BBS9: variants seen among roughly 807,000 people sequenced by gnomAD.
BBS9 encodes the protein protein PTHB1.
In BBS9, 89 loss-of-function variants were observed where a neutral mutation model predicts 117.7. The ratio of observed to expected loss-of-function variants is 0.76; its 90% CI spans 0.64 to 0.90. The LOEUF is 0.90. Ranked by LOEUF, BBS9 falls within the 40% of genes least tolerant of loss-of-function variation. The probability of loss-of-function intolerance (pLI) is 0.00; values close to 1 mark genes in which losing one functional copy is unlikely to be tolerated. For synonymous variants in BBS9, 379 were observed against 370.9 expected (o/e 1.02, Z -0.25); for missense variants, 982 against 1,042.2 (o/e 0.94, Z 0.80).
chr7:33,137,638 T>C lies in BBS9; in HGVS notation c.-12+7597T>C, dbSNP rs555057612. On this transcript the variant is annotated intron_variant, in intron 1 of 22. Coordinates refer to ENST00000242067, the MANE Select transcript of BBS9 (RefSeq NM_198428.3). ...TTGTGGTTTCTTAATTTCTTGGGAG[T>C]GGGCAGTGCTCCTTCTCTGCTTCTA... is the stretch of plus-strand genomic sequence containing the variant. 1.6e-4 allele frequency among the ~76,000 whole-genome samples: 25 copies of C among 152,308 alleles called. No homozygotes were observed. The South Asian group carries it at 3.5e-3, about 21-fold the overall frequency.
chr7:33,472,359 C>G (rs1208754216), intron 19 of BBS9, among the ~76,000 whole-genome samples: 1 of 152,104 alleles, frequency 6.6e-6, no homozygotes, highest in African/African-American at 2.4e-5. Flanking sequence ...TGGATAATAG[C>G]AAAGCAAAAT....
intron 19 of BBS9, among the ~76,000 whole-genome samples, chr7:33,475,982 A>G (rs112355534): frequency 1.3e-5 from 2 of 152,310 alleles, no homozygotes; most frequent in African/African-American, 2.4e-5. Flanking sequence ...TGGTGCAATA[A>G]ATACAGAGAG....
At chr7:33,138,651 AAGAGACAGG>A (rs1330753441) in intron 1 of BBS9, among the ~76,000 whole-genome samples, 1 of 151,082 alleles carries the variant, frequency 6.6e-6, no homozygotes, top group Non-Finnish European at 1.5e-5. Flanking sequence ...ATATATTTTT[AAGAGACAGG>A]GTCTGGCTTT....
intron 19 of BBS9, among the ~76,000 whole-genome samples, chr7:33,450,760 A>G (rs1198804729): frequency 6.6e-6 from 1 of 150,634 alleles, no homozygotes; most frequent in African/African-American, 2.4e-5. Context: ...TTCTTTATAT[A>G]TTCTGGATAT....
chr7:33,479,253 C>T (rs1842204876), intron 19 of BBS9, among the ~76,000 whole-genome samples: 1 of 152,116 alleles, frequency 6.6e-6, no homozygotes, highest in African/African-American at 2.4e-5. Flanking sequence ...CCTTCCCTCC[C>T]ACCTTTAGTA....
Position 33,383,974 on chromosome 7 carries a change from C to T in BBS9, c.1962+136C>T, listed in dbSNP as rs1336663109. On this transcript the variant is annotated intron_variant, in intron 18 of 22. Coordinates refer to ENST00000242067, the MANE Select transcript of BBS9 (RefSeq NM_198428.3). The stretch of plus-strand genomic sequence containing the variant: ...TTTTTCTTATGTGGATGGTGGATTT[C>T]GTGAATCCATTCCTGCCCACTTGCC... 1.3e-5 allele frequency: 12 copies of T among 922,822 alleles called. 1 individual carries two copies. Among genetic ancestry groups the T allele is most frequent in the South Asian group, 1.2e-4 (7 of 58,446 alleles). The allele number at this position is 922,822 out of a possible 1,614,324, so 57.2% of individuals were successfully genotyped here. A position where few individuals can be genotyped will look rare whatever the true frequency, so the allele number is the denominator to read the frequency against.
intron 21 of BBS9, among the ~76,000 whole-genome samples, chr7:33,545,500 C>T (rs1853159234): frequency 6.6e-6 from 1 of 152,118 alleles, no homozygotes; most frequent in Non-Finnish European, 1.5e-5. Flanking sequence ...GTGTTCGGGA[C>T]AGGAGGGTCT....
intron 5 of BBS9, among the ~76,000 whole-genome samples, chr7:33,231,785 A>C (rs1421796089): frequency 6.6e-6 from 1 of 152,120 alleles, no homozygotes; most frequent in Non-Finnish European, 1.5e-5. Context: ...ATTGAAACAT[A>C]AGAGTTTCTT....
intron 8 of BBS9, 132 bp downstream of exon 8, chr7:33,273,327 T>C: frequency 1.0e-6 from 1 of 983,906 alleles, no homozygotes; most frequent in Non-Finnish European, 1.5e-6. Context: ...TAATGGAAAT[T>C]TTAACTTTCA....
intron 17 of BBS9, among the ~76,000 whole-genome samples, chr7:33,370,835 G>T (rs1267649550): frequency 6.6e-6 from 1 of 151,946 alleles, no homozygotes; most frequent in African/African-American, 2.4e-5. Flanking sequence ...CTCTGGTTCT[G>T]TTTTTATCTT....
chr7:33,334,777 C>G (rs1814945557), intron 9 of BBS9, among the ~76,000 whole-genome samples: 1 of 152,178 alleles, frequency 6.6e-6, no homozygotes, highest in Non-Finnish European at 1.5e-5. Context: ...TTTAGGAAAG[C>G]TTTCCCAAGT....
Position 33,152,827 on chromosome 7 carries a change from A to C in BBS9, c.239A>C (p.Gln80Pro). The change falls in exon 3 of 23, where the codon CAA (glutamine) becomes CCA (proline). Residue 80 changes from glutamine (Q) to proline (P), a missense_variant. By Grantham distance (76) the Gln-to-Pro change is moderately conservative (BLOSUM62 -1). Transcript: ENST00000242067. ...GTGGATCTACGAGATCCAGTACTTC[A>C]AGTGGAAGTAGGAAAGTTTGTTTCG... ...LEVDLRDPVL[Q>P]VEVGKFVSGT... 1.2e-6 allele frequency: 2 copies of C among 1,614,034 alleles called. No individual in the cohort carries two copies. The highest frequency in any genetic ancestry group is 1.7e-6 in the Non-Finnish European group (2 of 1,179,956).
At chr7:33,482,186 T>C (rs1293394187) in intron 19 of BBS9, among the ~76,000 whole-genome samples, 1 of 152,150 alleles carries the variant, frequency 6.6e-6, no homozygotes, top group Non-Finnish European at 1.5e-5. Context: ...TACTGTTTGT[T>C]CTCATTTTAG....
chr7:33,417,141 G>T (rs912721895), intron 19 of BBS9, among the ~76,000 whole-genome samples: 1 of 152,144 alleles, frequency 6.6e-6, no homozygotes, highest in Non-Finnish European at 1.5e-5. Context: ...CTACAAAGTT[G>T]TTTTAAACTT....
intron 21 of BBS9, among the ~76,000 whole-genome samples, chr7:33,553,592 A>G (rs1854806646): frequency 6.6e-6 from 1 of 152,184 alleles, no homozygotes; most frequent in African/African-American, 2.4e-5. Flanking sequence ...TACCAATTGT[A>G]CTGTGGCCTC....
chr7:33,530,583 T>G (rs1442859604), intron 20 of BBS9, among the ~76,000 whole-genome samples: 2 of 152,244 alleles, frequency 1.3e-5, no homozygotes, highest in African/African-American at 4.8e-5. Flanking sequence ...CAGTGATGTC[T>G]GGGTTACTAT....
At position 33,565,844 on chromosome 7, in the gene BBS9, T is replaced by TTATATATA. The variant is rs1554539789; in HGVS notation, c.2521+31687_2521+31694dup. Among the ~76,000 whole-genome samples the TTATATATA allele has an allele frequency of 1.2e-3, 93 of 80,032 alleles. 2 individuals are homozygous for TTATATATA. The highest frequency in any genetic ancestry group is 1.4e-3 in the African/African-American group (28 of 19,550). The allele number at this position is 80,032 out of a possible 152,430, so 52.5% of individuals were successfully genotyped here. ...ATATATATACCGCTATATATACTGC[T>TTATATATA]TATATATATATATATATATATATAT... On this transcript the variant is annotated intron_variant, in intron 21 of 22. Transcript: ENST00000242067.
intron 9 of BBS9, among the ~76,000 whole-genome samples, chr7:33,280,744 A>G (rs1801651506): frequency 6.6e-6 from 1 of 152,120 alleles, no homozygotes; most frequent in South Asian, 2.1e-4. Context: ...GGCTCTAAAG[A>G]CCTTATAAGA....
intron 19 of BBS9, among the ~76,000 whole-genome samples, chr7:33,409,161 TG>T (rs1209088341): frequency 6.6e-6 from 1 of 152,214 alleles, no homozygotes; most frequent in African/African-American, 2.4e-5. Flanking sequence ...TTAGTTTAAT[TG>T]GGTCCCACTT....
Sources: allele counts gnomAD v4.1 joint callset (sites outside exome capture counted in the v4.1 genomes callset), GRCh38; gene constraint gnomAD v4.1.1; transcripts MANE v1.5; gene names NCBI Gene and HGNC (gene_info 2026-07-23, HGNC 2026-07-21).